Variants in PHLPP2 observed in about 807,000 individuals in gnomAD.
The protein encoded by PHLPP2 is PH domain leucine-rich repeat-containing protein phosphatase 2.
In PHLPP2, 66 loss-of-function variants were observed where a neutral mutation model predicts 124.9. That is an observed-to-expected ratio of 0.53 (90% CI 0.43 to 0.65). The LOEUF is 0.65. Among genes scored for constraint, PHLPP2 ranks in the 30% least tolerant of loss-of-function variants. The pLI is 0.00. For missense variants in PHLPP2, 1,685 were observed against 1,600.4 expected (o/e 1.05, Z -0.90); for synonymous variants, 681 against 624.7 (o/e 1.09, Z -1.34).
intron 1 of PHLPP2, among the ~76,000 whole-genome samples, chr16:71,718,693 G>A (rs760151166): frequency 9.9e-5 from 15 of 151,628 alleles, no homozygotes; most frequent in South Asian, 2.1e-4. Flanking sequence ...TAGTGAAACC[G>A]CGTCTCAAAA....
intron 1 of PHLPP2, among the ~76,000 whole-genome samples, chr16:71,718,386 T>G (rs931464868): frequency 3.3e-5 from 5 of 152,036 alleles, no homozygotes; most frequent in African/African-American, 1.2e-4. Context: ...GAGACCAGCC[T>G]GGCCAACATA....
At chr16:71,669,409 G>T (rs1319358289) in intron 10 of PHLPP2, 39 bp from the exon 11 acceptor site, 7 of 1,416,030 alleles carry the variant, frequency 4.9e-6, no homozygotes, top group South Asian at 2.3e-5. Context: ...CATTTAAGAT[G>T]ACAAGTGGAA....
intron 3 of PHLPP2, among the ~76,000 whole-genome samples, chr16:71,699,712 G>A (rs2045209305): frequency 6.6e-6 from 1 of 152,186 alleles, no homozygotes; most frequent in South Asian, 2.1e-4. Context: ...ACGCAACAAG[G>A]CAAAGGGACC....
intron 1 of PHLPP2, among the ~76,000 whole-genome samples, chr16:71,718,268 A>G (rs540283849): frequency 6.6e-6 from 1 of 152,124 alleles, no homozygotes; most frequent in Non-Finnish European, 1.5e-5. Flanking sequence ...AAATTCCTTA[A>G]GGAACTTTAC....
At chr16:71,699,214 A>G (rs1253311568) in intron 3 of PHLPP2, among the ~76,000 whole-genome samples, 1 of 152,194 alleles carries the variant, frequency 6.6e-6, no homozygotes, top group Non-Finnish European at 1.5e-5. Flanking sequence ...GGTGCCCAGC[A>G]AAACCCCACC....
chr16:71,694,909 C>T (rs1353643228), intron 3 of PHLPP2, among the ~76,000 whole-genome samples: 3 of 151,958 alleles, frequency 2.0e-5, no homozygotes, highest in African/African-American at 4.8e-5. Flanking sequence ...CTCAGCCTCC[C>T]GAGTAGCTGG....
intron 17 of PHLPP2, 78 bp from the exon 18 acceptor site, chr16:71,653,099 C>CTT (rs11298836): frequency 2.2e-4 from 121 of 547,422 alleles, no homozygotes; most frequent in Non-Finnish European, 3.0e-4. Context: ...TACATCCCTT[C>CTT]TTTTTTTTTT....
intron 5 of PHLPP2, 28 bp from the exon 6 acceptor site, chr16:71,681,933 C>T: frequency 6.4e-7 from 1 of 1,561,392 alleles, no homozygotes; most frequent in South Asian, 1.2e-5. Context: ...GAAGAGCCTT[C>T]TGAGCTAGTA....
intron 9 of PHLPP2, among the ~76,000 whole-genome samples, chr16:71,675,892 T>A (rs927117891): frequency 1.3e-5 from 2 of 152,182 alleles, no homozygotes; most frequent in South Asian, 2.1e-4. Context: ...GGCTAACTTT[T>A]GTATTTTTTG....
At chr16:71,705,032 T>G (rs981688607) in intron 2 of PHLPP2, among the ~76,000 whole-genome samples, 4 of 152,186 alleles carry the variant, frequency 2.6e-5, no homozygotes, top group African/African-American at 9.6e-5. Flanking sequence ...AGAAGGTGCA[T>G]AGGTAGATTT....
chr16:71,719,365 G>A (rs1225746332), intron 1 of PHLPP2, among the ~76,000 whole-genome samples: 3 of 152,002 alleles, frequency 2.0e-5, no homozygotes, highest in Admixed American at 1.3e-4. Flanking sequence ...GCAAAACCCC[G>A]TCTCTATTAA....
At position 71,714,630 on chromosome 16, in the gene PHLPP2, A is replaced by C; in HGVS notation, c.166T>G (p.Ser56Ala). Reference sequence around the variant, plus strand: ...AGATGTAAGTCAGAGGAAGAGGAGGAGGAGGAAGAGGAAGAGGAGGTGGTG... The same window carrying C: ...AGATGTAAGTCAGAGGAAGAGGAGGCGGAGGAAGAGGAAGAGGAGGTGGTG... ...TTTTSSSSSS[S>A]SSSSDLHLVL... Residue 56 changes from serine to alanine, a missense_variant, in exon 2 of 19, where the codon TCC (serine) becomes GCC (alanine). Coordinates refer to ENST00000568954, the MANE Select transcript of PHLPP2 (RefSeq NM_015020.3). 1 of 1,613,852 alleles carries C rather than the reference A, an allele frequency of 6.2e-7. No individual in the cohort carries two copies.
At chr16:71,660,587 G>A (rs1020000721) in intron 13 of PHLPP2, among the ~76,000 whole-genome samples, 6 of 151,690 alleles carry the variant, frequency 4.0e-5, no homozygotes, top group South Asian at 2.1e-4. Context: ...CACCATGCCC[G>A]GCTAATTTTT....
In PHLPP2 at chr16:71,646,088, C is replaced by T. The variant is rs570193053; in HGVS notation, c.*2802G>A. ...TGCTAGAGATCAACTGTACTCTGCCCACCTGGGGAACACATCCTCTGGGTA... is the reference window on the plus strand; with the variant it reads ...TGCTAGAGATCAACTGTACTCTGCCTACCTGGGGAACACATCCTCTGGGTA... On this transcript the variant is annotated 3_prime_UTR_variant, in exon 19 of 19. Coordinates refer to ENST00000568954, the MANE Select transcript of PHLPP2 (RefSeq NM_015020.3). 1 of 152,734 alleles carries T rather than the reference C, an allele frequency of 6.5e-6. No individual in the cohort carries two copies. Among genetic ancestry groups the T allele is most frequent in the South Asian group, 2.1e-4 (1 of 4,818 alleles). The allele number at this position is 152,734 out of a possible 1,614,324, so 9.5% of individuals were successfully genotyped here. A position where few individuals can be genotyped will look rare whatever the true frequency, so the allele number is the denominator to read the frequency against.
intron 2 of PHLPP2, among the ~76,000 whole-genome samples, chr16:71,713,941 TTTTC>T (rs1303572271): frequency 1.4e-5 from 2 of 145,222 alleles, no homozygotes; most frequent in Non-Finnish European, 3.0e-5. Context: ...AAACAACAAC[TTTTC>T]TTTTTTTTTT....
rs151060529 is a variant in PHLPP2, at chr16:71,690,558, T to C, written c.570A>G (p.Gln190=). Residue 190 remains glutamine, a synonymous_variant, in exon 4 of 19, where the codon CAA becomes CAG. Coordinates refer to ENST00000568954, the MANE Select transcript of PHLPP2 (RefSeq NM_015020.3). ...CLIVSSVKDC[Q]TGKMHILPLV... ...GAGGCAAAATGTGCATCTTTCCAGT[T>C]TGACAATCCTTCACTGAGGAAACGA... 1.2e-6 allele frequency: 2 copies of C among 1,612,038 alleles called. No homozygotes were observed. The highest frequency in any genetic ancestry group is 1.7e-5 in the Admixed American group (1 of 59,622).
rs2045316689 is a variant in PHLPP2, at chr16:71,710,490, T to C, written c.284+4022A>G. ...CCTAGGGAAATCAGCAATGTGACAA[T>C]ACATGGGCAATGGTTTAGTCAATGC... On this transcript the variant is annotated intron_variant, in intron 2 of 18. Transcript: ENST00000568954. 2.6e-5 allele frequency among the ~76,000 whole-genome samples: 4 copies of C among 152,128 alleles called. No individual in the cohort carries two copies. The South Asian group carries it at 8.3e-4, about 32-fold the overall frequency.
chr16:71,686,924 A>G (rs576830751), intron 4 of PHLPP2, among the ~76,000 whole-genome samples: 2 of 152,344 alleles, frequency 1.3e-5, no homozygotes, highest in South Asian at 2.1e-4. Flanking sequence ...TTTAAAGAAC[A>G]TATGTTCATT....
At chr16:71,662,217 G>A (rs1053884266) in intron 13 of PHLPP2, among the ~76,000 whole-genome samples, 14 of 151,702 alleles carry the variant, frequency 9.2e-5, no homozygotes, top group Admixed American at 8.5e-4. Context: ...GGATCACGAG[G>A]CCAGGAGTTC....
Sources: allele counts gnomAD v4.1 joint callset (sites outside exome capture counted in the v4.1 genomes callset), GRCh38; gene constraint gnomAD v4.1.1; transcripts MANE v1.5; gene names NCBI Gene and HGNC (gene_info 2026-07-23, HGNC 2026-07-21).